SDK1: variants seen among roughly 807,000 people sequenced by gnomAD.
SDK1 encodes sidekick cell adhesion molecule 1.
Under a neutral mutation model 245.5 loss-of-function variants are expected in SDK1, and 157 were observed. The observed-to-expected ratio is 0.64, with a 90% CI of 0.56 to 0.73. SDK1 has a LOEUF of 0.73. Ranked by LOEUF, SDK1 falls within the 30% of genes least tolerant of loss-of-function variation. The pLI is 0.00. For synonymous variants in SDK1, 1,647 were observed against 1,278.5 expected (o/e 1.29, Z -6.15); for missense variants, 3,583 against 3,002.3 (o/e 1.19, Z -4.52).
At chr7:3,328,766 C>T (rs1779995871) in intron 1 of SDK1, among the ~76,000 whole-genome samples, 1 of 152,070 alleles carries the variant, frequency 6.6e-6, no homozygotes, top group Non-Finnish European at 1.5e-5. Context: ...ATCTATTCTC[C>T]TTTTAGTGAC....
In SDK1 at chr7:3,633,293, T is replaced by C. The variant is rs767959791; in HGVS notation, c.459-5711T>C. Among the ~76,000 whole-genome samples, 156 of 152,164 alleles carry C rather than the reference T, an allele frequency of 1.0e-3. 2 individuals carry two copies. The highest frequency in any genetic ancestry group is 3.2e-4 in the Non-Finnish European group (22 of 68,024). On this transcript the variant is annotated intron_variant, in intron 2 of 44. Transcript: ENST00000404826. ...ATCTTACATCTAATTTTAACAAATA[T>C]GCAGATTTTTTTCTTATGAATCAAA...
chr7:3,595,566 A>G (rs1332460124), intron 1 of SDK1, among the ~76,000 whole-genome samples: 1 of 152,042 alleles, frequency 6.6e-6, no homozygotes, highest in East Asian at 1.9e-4. Context: ...TTATAATTCT[A>G]TTCATTTTTA....
chr7:3,855,398 T>C (rs1780520469), intron 5 of SDK1, among the ~76,000 whole-genome samples: 1 of 151,858 alleles, frequency 6.6e-6, no homozygotes, highest in African/African-American at 2.4e-5. Context: ...TTAGGAGAGG[T>C]GCAAGAACAT....
intron 22 of SDK1, among the ~76,000 whole-genome samples, chr7:4,103,648 T>C (rs1197657956): frequency 6.6e-6 from 1 of 152,242 alleles, no homozygotes; most frequent in Non-Finnish European, 1.5e-5. Context: ...CATTTGTAAA[T>C]TCGTTAATGC....
chr7:3,418,145 G>GCAAAAAAAAAAAAAAAAAAAAA lies in SDK1; in HGVS notation c.298+116261_298+116262insCAAAAAAAAAAAAAAAAAAAAA, dbSNP rs1292199670. Among the ~76,000 whole-genome samples the GCAAAAAAAAAAAAAAAAAAAAA allele has an allele frequency of 1.6e-4, 19 of 119,722 alleles. 1 individual carries two copies. The highest frequency in any genetic ancestry group is 6.6e-4 in the African/African-American group (17 of 25,752). 78.5% of individuals were successfully genotyped at this position (119,722 alleles called of 152,430 possible). ...GTGAAACCCGATCTCTACTAAAAAT[G>GCAAAAAAAAAAAAAAAAAAAAA]AAAAAAAAAAAAAAAAAAAAAAATA... On this transcript the variant is annotated intron_variant, in intron 1 of 44. Transcript: ENST00000404826.
At chr7:4,135,285 AC>A (rs1292546628) in intron 28 of SDK1, among the ~76,000 whole-genome samples, 1 of 152,026 alleles carries the variant, frequency 6.6e-6, no homozygotes, top group Non-Finnish European at 1.5e-5. Flanking sequence ...GAGAAACAAG[AC>A]CCCTACACCC....
intron 5 of SDK1, among the ~76,000 whole-genome samples, chr7:3,837,305 C>T (rs1780049611): frequency 6.6e-6 from 1 of 152,138 alleles, no homozygotes; most frequent in South Asian, 2.1e-4. Flanking sequence ...CTTAAAAATA[C>T]ATGAGCCAAT....
chr7:3,563,795 T>C (rs1287570546), intron 1 of SDK1, among the ~76,000 whole-genome samples: 1 of 152,162 alleles, frequency 6.6e-6, no homozygotes, highest in Non-Finnish European at 1.5e-5. Context: ...CCGTGTATTA[T>C]GCCATATAAG....
At chr7:3,380,216 T>C (rs563653942) in intron 1 of SDK1, among the ~76,000 whole-genome samples, 6 of 152,360 alleles carry the variant, frequency 3.9e-5, no homozygotes, top group African/African-American at 1.4e-4. Flanking sequence ...ACTAGGTCAA[T>C]ATCCGCAACA....
chr7:4,260,184 A>G (rs1393573404), intron 44 of SDK1, among the ~76,000 whole-genome samples: 1 of 143,268 alleles, frequency 7.0e-6, no homozygotes, highest in African/African-American at 2.6e-5. Context: ...GTTCATCGTC[A>G]CCTGATGGAG....
intron 4 of SDK1, among the ~76,000 whole-genome samples, chr7:3,659,434 G>A (rs908532419): frequency 3.9e-5 from 6 of 152,184 alleles, no homozygotes; most frequent in Non-Finnish European, 8.8e-5. Context: ...TGAAGAAAGG[G>A]AAGGAGCCAG....
chr7:3,866,481 G>A (rs779001008), intron 5 of SDK1, among the ~76,000 whole-genome samples: 2 of 152,154 alleles, frequency 1.3e-5, no homozygotes, highest in East Asian at 1.9e-4. Flanking sequence ...TTAGGAAGGC[G>A]GGACTTTTTT....
At chr7:4,234,708 G>T (rs970899671) in intron 41 of SDK1, among the ~76,000 whole-genome samples, 8 of 152,308 alleles carry the variant, frequency 5.3e-5, no homozygotes, top group African/African-American at 1.9e-4. Flanking sequence ...CCTCACCCCA[G>T]ACAGTGACTT....
intron 4 of SDK1, among the ~76,000 whole-genome samples, chr7:3,779,432 G>A (rs1780658369): frequency 6.6e-6 from 1 of 151,718 alleles, no homozygotes; most frequent in Admixed American, 6.6e-5. Flanking sequence ...GTGAAGTGGT[G>A]TGGCAAAGCC....
intron 4 of SDK1, among the ~76,000 whole-genome samples, chr7:3,694,868 G>C (rs1784530767): frequency 6.6e-6 from 1 of 152,140 alleles, no homozygotes; most frequent in African/African-American, 2.4e-5. Context: ...TTGTTCTGTG[G>C]AATGAGAAGC....
intron 14 of SDK1, among the ~76,000 whole-genome samples, chr7:3,992,673 G>A (rs111442419): frequency 6.6e-6 from 1 of 152,166 alleles, no homozygotes; most frequent in Non-Finnish European, 1.5e-5. Context: ...CCTGTGGAGG[G>A]AGACTGTCAG....
Position 4,265,366 on chromosome 7 carries a change from C to A in SDK1, c.6624C>A (p.Gly2208=). The stretch of plus-strand genomic sequence containing the variant: ...CCGGCGCGCGAACTCCGCTCACCGG[C>A]TTCTCCTCCTTCGTGTGAGCAAAGC... ...AGPGARTPLT[G]FSSFV is the part of the protein sequence containing the mutation. The change falls in exon 45 of 45, where the codon GGC becomes GGA. Residue 2208 remains glycine, a synonymous_variant. Transcript: ENST00000404826. 6.9e-7 allele frequency: 1 copy of A among 1,446,544 alleles called. No homozygotes were observed. Among genetic ancestry groups the A allele is most frequent in the South Asian group, 1.5e-5 (1 of 68,120 alleles). 89.6% of individuals were successfully genotyped at this position (1,446,544 alleles called of 1,614,324 possible). A position where few individuals can be genotyped will look rare whatever the true frequency, so the allele number is the denominator to read the frequency against.
In SDK1 at chr7:4,127,795, G is replaced by A. The variant is rs556434044; in HGVS notation, c.3939+299G>A. 6.6e-5 allele frequency among the ~76,000 whole-genome samples: 10 copies of A among 152,334 alleles called. No homozygotes were observed. In the East Asian group the frequency reaches 7.7e-4, roughly 12 times the overall value. On this transcript the variant is annotated intron_variant, in intron 26 of 44. Coordinates refer to ENST00000404826, the MANE Select transcript of SDK1 (RefSeq NM_152744.4). ...CTCTGCCCTCGCTGGCCTCAGTGCC[G>A]CGGGCCAGTTACTGAAGCCCTGTGC...
At chr7:3,988,453 C>A (rs1251400382) in intron 14 of SDK1, among the ~76,000 whole-genome samples, 1 of 152,104 alleles carries the variant, frequency 6.6e-6, no homozygotes, top group Non-Finnish European at 1.5e-5. Flanking sequence ...CTGAGATATA[C>A]CCAGACCAGG....
Sources: gnomAD v4.1 joint callset for allele counts (sites outside exome capture counted in the v4.1 genomes callset) on GRCh38, gnomAD v4.1.1 for gene constraint, MANE v1.5 for transcripts, NCBI Gene and HGNC (gene_info 2026-07-23, HGNC 2026-07-21) for gene names.